The following PLPP3 variants were observed in gnomAD, a reference collection of about 807,000 sequenced individuals.
PLPP3 encodes PAP2 beta.
PLPP3 carries 6 observed loss-of-function variants against 29.6 expected under a neutral mutation model. That is an observed-to-expected ratio of 0.20 (90% CI 0.11 to 0.40). PLPP3 has a LOEUF of 0.40. Among genes scored for constraint, PLPP3 ranks in the 10% least tolerant of loss-of-function variants. The probability of loss-of-function intolerance (pLI) is 1.00; values close to 1 mark genes in which losing one functional copy is unlikely to be tolerated. For missense variants in PLPP3, 308 were observed against 407.7 expected, an observed-to-expected ratio of 0.76 and a Z score of 2.11; for synonymous variants, 152 against 159.7, an observed-to-expected ratio of 0.95 and a Z score of 0.36.
chr1:56,509,515 CTG>C (rs1462115152), intron 5 of PLPP3, among the ~76,000 whole-genome samples: 1 of 152,130 alleles, frequency 6.6e-6, no homozygotes, highest in African/African-American at 2.4e-5. Context: ...TGTAAAATGG[CTG>C]TAGTACAATG....
chr1:56,512,087 G>A lies in PLPP3; in HGVS notation c.699C>T (p.Thr233=), dbSNP rs1645744642. The change falls in exon 5 of 6, where the codon ACC becomes ACT. Residue 233 remains threonine (T), a synonymous_variant. Coordinates refer to ENST00000371250, the MANE Select transcript of PLPP3 (RefSeq NM_003713.5). ...CCGTGTAGAAGGCCATCATGATCAA[G>A]GTGAACTGCAGGAGGGGCCGGAGCA... The part of the protein sequence containing the change: ...ARLLRPLLQF[T]LIMMAFYTGL... 6.2e-7 allele frequency: 1 copy of A among 1,613,066 alleles called. No individual in the cohort carries two copies. The highest frequency in any genetic ancestry group is 8.5e-7 in the Non-Finnish European group (1 of 1,179,648).
At chr1:56,577,140 T>C (rs1260126119) in intron 1 of PLPP3, among the ~76,000 whole-genome samples, 1 of 151,926 alleles carries the variant, frequency 6.6e-6, no homozygotes, top group Admixed American at 6.6e-5. Context: ...ACACAGGGAG[T>C]TCCAGGCAAG....
rs1646260327 is a variant in PLPP3, at chr1:56,579,281, C to T, written c.-265G>A. On this transcript the variant is annotated 5_prime_UTR_variant, in exon 1 of 6. Coordinates refer to ENST00000371250, the MANE Select transcript of PLPP3 (RefSeq NM_003713.5). ...AGTCCAAGGGGAAGAGAGCCAGATC[C>T]CGAGCAGAAACTTTTGCAGAGCTGC... The T allele has an allele frequency of 1.2e-5, 5 of 433,932 alleles. No homozygotes were observed. The highest frequency in any genetic ancestry group is 2.0e-5 in the Non-Finnish European group (5 of 246,874). 26.9% of individuals were successfully genotyped at this position (433,932 alleles called of 1,614,324 possible).
In PLPP3 at chr1:56,524,539, A is replaced by T; in HGVS notation, c.313T>A (p.Phe105Ile). 1 of 1,610,140 alleles carries T rather than the reference A, an allele frequency of 6.2e-7. No individual in the cohort carries two copies. Among genetic ancestry groups the T allele is most frequent in the Non-Finnish European group, 8.5e-7 (1 of 1,176,514 alleles). The change falls in exon 3 of 6, where the codon TTC (phenylalanine) becomes ATC (isoleucine). Residue 105 changes from phenylalanine (F) to isoleucine (I), a missense_variant. By Grantham distance (21) the Phe-to-Ile change is conservative. Coordinates refer to ENST00000371250, the MANE Select transcript of PLPP3 (RefSeq NM_003713.5). This position sits in a 1 kb window ranked among gnomAD's most constrained non-coding sequence, Gnocchi z 4.3. ...IAILAIITGE[F>I]YRIYYLKKSR... The stretch of plus-strand genomic sequence containing the variant: ...TTCTTCAGGTAATAGATCCGGTAGA[A>T]TTCCCCCGTGATGATCTAAAAGGAA...
intron 1 of PLPP3, among the ~76,000 whole-genome samples, chr1:56,572,347 G>C (rs1646205632): frequency 6.6e-6 from 1 of 152,130 alleles, no homozygotes; most frequent in Admixed American, 6.5e-5. Context: ...ACCACGCCTG[G>C]CCTTGCTGTT....
At chr1:56,502,244 G>T (rs1045136300) in intron 5 of PLPP3, among the ~76,000 whole-genome samples, 1 of 152,186 alleles carries the variant, frequency 6.6e-6, no homozygotes, top group African/African-American at 2.4e-5. Flanking sequence ...GTCCCTGAGT[G>T]TAAGTGAACT....
At chr1:56,538,350 A>C (rs529965948) in intron 1 of PLPP3, 7 of 246,672 alleles carry the variant, frequency 2.8e-5, no homozygotes, top group Non-Finnish European at 5.7e-5. Flanking sequence ...CACTTCGCAA[A>C]GTAAAAGGAC....
intron 2 of PLPP3, among the ~76,000 whole-genome samples, chr1:56,530,131 G>A (rs1033419589): frequency 6.8e-6 from 1 of 145,998 alleles, no homozygotes; most frequent in Non-Finnish European, 1.5e-5. Flanking sequence ...TTTTTACCTT[G>A]AATTTCCTAG....
intron 1 of PLPP3, among the ~76,000 whole-genome samples, chr1:56,556,651 T>C (rs7545642): frequency 0.84 from 126,838 of 151,414 alleles, 53,679 homozygotes; most frequent in Non-Finnish European, 0.9. Flanking sequence ...TGAGACCCTG[T>C]CTCAAAAGAA....
intron 1 of PLPP3, among the ~76,000 whole-genome samples, chr1:56,564,947 CAT>C (rs1272710668): frequency 6.7e-6 from 1 of 149,898 alleles, no homozygotes; most frequent in Admixed American, 6.6e-5. Context: ...TCTCTCTGAT[CAT>C]ATGTGTGTGC....
intron 2 of PLPP3, among the ~76,000 whole-genome samples, chr1:56,534,161 A>G (rs933677505): frequency 1.3e-5 from 2 of 152,216 alleles, no homozygotes; most frequent in Non-Finnish European, 2.9e-5. Flanking sequence ...ATAGGAGATG[A>G]TATTTTACTG....
intron 5 of PLPP3, among the ~76,000 whole-genome samples, chr1:56,500,037 A>C (rs1645656745): frequency 6.6e-6 from 1 of 152,236 alleles, no homozygotes; most frequent in African/African-American, 2.4e-5. Flanking sequence ...ACTATACCCT[A>C]AGCACAGAGA....
At chr1:56,538,619 GT>G in intron 1 of PLPP3, 1 of 350,100 alleles carries the variant, frequency 2.9e-6, no homozygotes. Context: ...CCCCACAAGT[GT>G]TACCATGGCT....
At position 56,527,832 on chromosome 1, in the gene PLPP3, A is replaced by G. The variant is rs76076335; in HGVS notation, c.298-3278T>C. ...GGCAGCCTGAATACCTCACCTCTAC[A>G]GACGAGGCGAAGGCTTAAATTGTTC... On this transcript the variant is annotated intron_variant, in intron 2 of 5. Coordinates refer to ENST00000371250, the MANE Select transcript of PLPP3 (RefSeq NM_003713.5). 1.4e-3 allele frequency among the ~76,000 whole-genome samples: 212 copies of G among 152,284 alleles called. 8 individuals are homozygous for G. The East Asian group carries it at 0.037, about 27-fold the overall frequency.
chr1:56,559,164 T>C (rs987418321), intron 1 of PLPP3, among the ~76,000 whole-genome samples: 1 of 152,000 alleles, frequency 6.6e-6, no homozygotes, highest in Non-Finnish European at 1.5e-5. Context: ...TGGAAACTCT[T>C]CGTATAGGCA....
intron 5 of PLPP3, among the ~76,000 whole-genome samples, chr1:56,509,119 G>C (rs1481642186): frequency 2.0e-5 from 3 of 152,326 alleles, no homozygotes; most frequent in Admixed American, 6.5e-5. Context: ...AAGGCTGGGT[G>C]TCAGGCATTT....
At chr1:56,522,097 C>T (rs988563283) in intron 4 of PLPP3, among the ~76,000 whole-genome samples, 4 of 152,180 alleles carry the variant, frequency 2.6e-5, no homozygotes, top group Non-Finnish European at 5.9e-5. Context: ...GTCTGGCCTG[C>T]AAATACCTTT....
chr1:56,515,521 T>C (rs1645775460), intron 4 of PLPP3, among the ~76,000 whole-genome samples: 4 of 151,964 alleles, frequency 2.6e-5, no homozygotes, highest in South Asian at 2.1e-4. Context: ...CCATAAGAAT[T>C]TGAGAAGAGA....
chr1:56,499,292 T>G (rs1330244120), intron 5 of PLPP3, among the ~76,000 whole-genome samples: 2 of 152,108 alleles, frequency 1.3e-5, no homozygotes, highest in Non-Finnish European at 2.9e-5. Context: ...GGCATTCCGT[T>G]CTCTAATGAT....
Sources: gnomAD v4.1 joint callset for allele counts (sites outside exome capture counted in the v4.1 genomes callset) on GRCh38, gnomAD v4.1.1 for gene constraint, Gnocchi (gnomAD v3.1) non-coding constraint, MANE v1.5 for transcripts, NCBI Gene and HGNC (gene_info 2026-07-23, HGNC 2026-07-21) for gene names.